The following HEATR4 variants were observed in gnomAD, a reference collection of about 807,000 sequenced individuals.
The protein encoded by HEATR4 is HEAT repeat-containing protein 4.
In HEATR4, 95 loss-of-function variants were observed where a neutral mutation model predicts 108.8. The ratio of observed to expected loss-of-function variants is 0.87; its 90% CI spans 0.74 to 1.04. The LOEUF is 1.04. HEATR4 is among the 50% of genes least tolerant of loss of function. The pLI is 0.00. For synonymous variants in HEATR4, 443 were observed against 459.4 expected (o/e 0.96, Z 0.46); for missense variants, 1,152 against 1,253.8 (o/e 0.92, Z 1.23).
chr14:73,479,109 T>G (rs530931346), intron 17 of HEATR4, among the ~76,000 whole-genome samples: 52 of 148,272 alleles, frequency 3.5e-4, no homozygotes, highest in Admixed American at 1.3e-3. Context: ...CAGCTAATTT[T>G]TTTGTTTGTT....
the HEATR4 span, chr14:73,619,677 T>C: frequency 6.2e-7 from 1 of 1,614,180 alleles, no homozygotes; most frequent in Non-Finnish European, 8.5e-7. Flanking sequence ...CTTATTTTCC[T>C]CCTTCTAGAG....
Position 73,509,247 on chromosome 14 carries a change from G to A in HEATR4, c.1720+65C>T, listed in dbSNP as rs1026923216. The A allele has an allele frequency of 1.8e-5, 27 of 1,483,526 alleles. No homozygotes were observed. The South Asian group carries it at 2.9e-4, about 16-fold the overall frequency. 91.9% of individuals were successfully genotyped at this position (1,483,526 alleles called of 1,614,324 possible). A position where few individuals can be genotyped will look rare whatever the true frequency, so the allele number is the denominator to read the frequency against. On this transcript the variant is annotated intron_variant, in intron 8 of 17. Transcript: ENST00000553558. ...GCATCACAGTGGAGAGGAAAGGACT[G>A]GGAAAGCTGATAGTGAGATGTCTAT...
intron 5 of HEATR4, 59 bp from the exon 6 acceptor site, chr14:73,514,293 G>A: frequency 6.7e-7 from 1 of 1,500,680 alleles, no homozygotes. Context: ...CTGCCACACA[G>A]TGGCCCCAGC....
intron 1 of HEATR4, among the ~76,000 whole-genome samples, chr14:73,535,029 CT>C (rs1888817125): frequency 8.8e-6 from 1 of 113,966 alleles, no homozygotes; most frequent in Non-Finnish European, 1.9e-5. Context: ...CTCTAACCTG[CT>C]TTTTTTCATC....
At chr14:73,585,395 C>T in the HEATR4 span, among the ~76,000 whole-genome samples, 3 of 151,940 alleles carry the variant, frequency 2.0e-5, no homozygotes, top group African/African-American at 4.8e-5. Flanking sequence ...TTAATACTAT[C>T]GCATTGAGGC....
chr14:73,626,875 G>A, the HEATR4 span, among the ~76,000 whole-genome samples: 7 of 137,916 alleles, frequency 5.1e-5, no homozygotes, highest in East Asian at 4.5e-4. Flanking sequence ...CTCAGCTCAC[G>A]GCAACCTCTG....
At chr14:73,491,929 C>T (rs1009041947) in intron 17 of HEATR4, 1 of 1,613,734 alleles carries the variant, frequency 6.2e-7, no homozygotes, top group Non-Finnish European at 8.5e-7. Flanking sequence ...CGCAGGCTTT[C>T]TCTACTACTG....
chr14:73,618,843 G>T, the HEATR4 span, among the ~76,000 whole-genome samples: 6 of 151,980 alleles, frequency 3.9e-5, no homozygotes, highest in Non-Finnish European at 8.8e-5. Flanking sequence ...AGTTAAGAAA[G>T]CTACTGGCGG....
the HEATR4 span, among the ~76,000 whole-genome samples, chr14:73,566,254 G>A: frequency 1.3e-5 from 2 of 152,102 alleles, no homozygotes; most frequent in East Asian, 3.8e-4. Flanking sequence ...CTAGACTCAG[G>A]AGCCCAGCTG....
chr14:73,588,279 C>T, the HEATR4 span, among the ~76,000 whole-genome samples: 1 of 152,164 alleles, frequency 6.6e-6, no homozygotes. Flanking sequence ...GGATTACAGG[C>T]ATGAGCCACC....
chr14:73,519,900 C>T (rs1887874306), intron 4 of HEATR4: 1 of 151,976 alleles, frequency 6.6e-6, no homozygotes, highest in African/African-American at 2.4e-5. Context: ...CCTATAATCC[C>T]AGCTATTTGG....
In HEATR4 at chr14:73,535,462, C is replaced by CTTTTTT. The variant is rs374219358; in HGVS notation, c.-151-5219_-151-5218insAAAAAA. Among the ~76,000 whole-genome samples, 47 of 59,332 alleles carry CTTTTTT rather than the reference C, an allele frequency of 7.9e-4. 17 individuals carry two copies. Among genetic ancestry groups the CTTTTTT allele is most frequent in the Non-Finnish European group, 8.0e-4 (21 of 26,266 alleles). 38.9% of individuals were successfully genotyped at this position (59,332 alleles called of 152,430 possible). A position where few individuals can be genotyped will look rare whatever the true frequency, so the allele number is the denominator to read the frequency against. ...CCCTCTCCCTTTTTCTTTTCTTTTT[C>CTTTTTT]TTCTTTCTTTTTTTTTTTTTTTTTT... On this transcript the variant is annotated intron_variant, in intron 1 of 17. Coordinates refer to ENST00000553558, the MANE Select transcript of HEATR4 (RefSeq NM_001220484.1).
At chr14:73,576,927 CTTTTCTTT>C in the HEATR4 span, among the ~76,000 whole-genome samples, 22 of 121,620 alleles carry the variant, frequency 1.8e-4, 1 homozygote, top group Non-Finnish European at 2.3e-4. Flanking sequence ...TTATTCTTTT[CTTTTCTTT>C]TTTTTTTTTT....
At chr14:73,627,904 A>G in the HEATR4 span, among the ~76,000 whole-genome samples, 21,697 of 151,732 alleles carry the variant, frequency 0.14, 2,181 homozygotes, top group Non-Finnish European at 0.22. Flanking sequence ...CGTCTCCTGG[A>G]TTCAAGTGAT....
chr14:73,591,058 C>T, the HEATR4 span, among the ~76,000 whole-genome samples: 1 of 151,648 alleles, frequency 6.6e-6, no homozygotes, highest in Admixed American at 6.6e-5. Context: ...GCCTGGGAAA[C>T]AGGGTGACAC....
upstream of HEATR4, among the ~76,000 whole-genome samples, chr14:73,561,386 A>T (rs1186310841): frequency 6.6e-6 from 1 of 151,244 alleles, no homozygotes; most frequent in Non-Finnish European, 1.5e-5. Flanking sequence ...AAAGAAAAAA[A>T]AAGAAAAAGG....
chr14:73,568,694 C>T, the HEATR4 span, among the ~76,000 whole-genome samples: 4 of 151,812 alleles, frequency 2.6e-5, no homozygotes, highest in Non-Finnish European at 5.9e-5. Flanking sequence ...CTGAGGCGGG[C>T]GGATTACAAA....
At chr14:73,525,937 A>C (rs761819788) in intron 2 of HEATR4, among the ~76,000 whole-genome samples, 9 of 137,394 alleles carry the variant, frequency 6.6e-5, no homozygotes, top group Non-Finnish European at 1.4e-4. Flanking sequence ...TGGGTGACAG[A>C]GTGAGACTCC....
the HEATR4 span, among the ~76,000 whole-genome samples, chr14:73,600,048 T>G: frequency 2.0e-5 from 3 of 152,172 alleles, no homozygotes; most frequent in Non-Finnish European, 2.9e-5. Context: ...CTTCTCAATC[T>G]GAACGGCTTT....
Sources: allele counts gnomAD v4.1 joint callset (sites outside exome capture counted in the v4.1 genomes callset), GRCh38; gene constraint gnomAD v4.1.1; transcripts MANE v1.5; gene names NCBI Gene and HGNC (gene_info 2026-07-23, HGNC 2026-07-21).